ZMYND11: variants seen among roughly 807,000 people sequenced by gnomAD.
The protein encoded by ZMYND11 is zinc finger MYND-type containing 11, also known as zinc finger MYND domain-containing protein 11.
ZMYND11 carries 9 observed loss-of-function variants against 84.9 expected under a neutral mutation model. The ratio of observed to expected loss-of-function variants is 0.11; its 90% CI spans 0.06 to 0.18. The LOEUF (loss-of-function observed/expected upper bound fraction) is 0.18. Among genes scored for constraint, ZMYND11 ranks in the 10% least tolerant of loss-of-function variants. The pLI, the probability that ZMYND11 is intolerant of heterozygous loss-of-function variation, is 1.00. For missense variants in ZMYND11, 409 were observed against 761.0 expected, an observed-to-expected ratio of 0.54 and a Z score of 5.44; for synonymous variants, 250 against 244.1, an observed-to-expected ratio of 1.02 and a Z score of -0.23.
chr10:234,977 C>T (rs1328301935), intron 4 of ZMYND11, among the ~76,000 whole-genome samples: 1 of 87,518 alleles, frequency 1.1e-5, no homozygotes. Context: ...GCTAGTATTT[C>T]GCAAATGTGT....
At chr10:216,184 C>T (rs536815661) in intron 3 of ZMYND11, among the ~76,000 whole-genome samples, 1 of 152,240 alleles carries the variant, frequency 6.6e-6, no homozygotes, top group East Asian at 1.9e-4. Flanking sequence ...AGAACTACCA[C>T]CGTAGGCAGC....
chr10:165,355 C>G (rs1843754111), intron 1 of ZMYND11, among the ~76,000 whole-genome samples: 1 of 152,116 alleles, frequency 6.6e-6, no homozygotes, highest in African/African-American at 2.4e-5. Flanking sequence ...TCACTTTCTA[C>G]CATATTCTCT....
chr10:249,431 G>A (rs1258842842), intron 14 of ZMYND11: 4 of 985,094 alleles, frequency 4.1e-6, no homozygotes, highest in East Asian at 1.1e-4. Context: ...TTTCAGATGG[G>A]TAACATCCAA....
intron 4 of ZMYND11, among the ~76,000 whole-genome samples, chr10:225,573 CCA>C: frequency 6.6e-6 from 1 of 152,246 alleles, no homozygotes; most frequent in African/African-American, 2.4e-5. Flanking sequence ...ATCTTGAATT[CCA>C]GAGTTCGAGT....
At chr10:220,229 G>A (rs1020657987) in intron 3 of ZMYND11, among the ~76,000 whole-genome samples, 1 of 151,966 alleles carries the variant, frequency 6.6e-6, no homozygotes, top group African/African-American at 2.4e-5. Context: ...GGAATGTCAG[G>A]GTCCCTACTG....
intron 1 of ZMYND11, among the ~76,000 whole-genome samples, chr10:158,524 C>A (rs1842216109): frequency 6.6e-6 from 1 of 150,954 alleles, no homozygotes. Flanking sequence ...CTCAAGTGAT[C>A]CTTGACTTCA....
chr10:242,107 C>T lies in ZMYND11; in HGVS notation c.918C>T (p.Val306=), dbSNP rs528355836. ...TCATGCAGAAAGAAGACAATCAAGT[C>T]GACGTTCGCTTCTTTGGCCACCACC... ...AKVMQKEDNQ[V]DVRFFGHHHQ... Residue 306 remains valine (V), a synonymous_variant, in exon 10 of 15, where the codon GTC becomes GTT. Transcript: ENST00000381604. 29 of 1,613,844 alleles carry T rather than the reference C, an allele frequency of 1.8e-5. No homozygotes were observed. The highest frequency in any genetic ancestry group is 1.7e-4 in the Admixed American group (10 of 60,000).
chr10:137,249 C>T (rs1363537660), intron 1 of ZMYND11, among the ~76,000 whole-genome samples: 1 of 151,968 alleles, frequency 6.6e-6, no homozygotes, highest in Non-Finnish European at 1.5e-5. Flanking sequence ...ACAGTGTGTA[C>T]ATGGTATCTG....
At chr10:136,873 C>T (rs1423119157) in intron 1 of ZMYND11, among the ~76,000 whole-genome samples, 1 of 151,942 alleles carries the variant, frequency 6.6e-6, no homozygotes, top group African/African-American at 2.4e-5. Flanking sequence ...AGTATGTGCA[C>T]GGTACCGTGC....
chr10:223,555 A>T (rs1947530045), intron 4 of ZMYND11, among the ~76,000 whole-genome samples: 1 of 152,170 alleles, frequency 6.6e-6, no homozygotes, highest in African/African-American at 2.4e-5. Context: ...ATTTTATGGT[A>T]TGTGAGCTAC....
chr10:159,008 T>TA (rs1554760506), intron 1 of ZMYND11, among the ~76,000 whole-genome samples: 2 of 140,400 alleles, frequency 1.4e-5, no homozygotes, highest in Non-Finnish European at 3.1e-5. Flanking sequence ...TTTTTTTTTT[T>TA]ACATTATGTG....
At chr10:186,607 C>T (rs1938539168) in intron 2 of ZMYND11, among the ~76,000 whole-genome samples, 1 of 140,518 alleles carries the variant, frequency 7.1e-6, no homozygotes, top group Non-Finnish European at 1.5e-5. Context: ...GATCGGGCCA[C>T]TGCACTCAGA....
At chr10:163,844 C>T (rs374856492) in intron 1 of ZMYND11, among the ~76,000 whole-genome samples, 4 of 152,048 alleles carry the variant, frequency 2.6e-5, no homozygotes, top group East Asian at 3.9e-4. Flanking sequence ...ACCTATTCTG[C>T]GTGAGTTGGA....
Position 253,334 on chromosome 10 carries a change from TATC to T in ZMYND11, c.*868_*870del, listed in dbSNP as rs765807049. 1 of 152,662 alleles carries T rather than the reference TATC, an allele frequency of 6.6e-6. No homozygotes were observed. The highest frequency in any genetic ancestry group is 2.4e-5 in the African/African-American group (1 of 41,452). The allele number at this position is 152,662 out of a possible 1,614,324, so 9.5% of individuals were successfully genotyped here. ...TTAATGCTTCCCTTCCCTTCCCACA[TATC>T]ATCTCACTGCCTATTATCTGGTGTC... On this transcript the variant is annotated 3_prime_UTR_variant, in exon 15 of 15. Coordinates refer to ENST00000381604, the MANE Select transcript of ZMYND11 (RefSeq NM_001370100.5).
chr10:220,774 G>A (rs1947021040), intron 3 of ZMYND11, among the ~76,000 whole-genome samples: 1 of 150,122 alleles, frequency 6.7e-6, no homozygotes, highest in South Asian at 2.1e-4. Flanking sequence ...TTCCCACAGT[G>A]TGTCAAGGAC....
At position 135,654 on chromosome 10, in the gene ZMYND11, T is replaced by C. The variant is rs1482797474; in HGVS notation, c.-20+95T>C. On this transcript the variant is annotated intron_variant, in intron 1 of 14. Transcript: ENST00000381604. The surrounding 1 kb of genome is among the most constrained non-coding windows in gnomAD (Gnocchi z 5.6). ...GTGGAGCCTGCCTGGCCGCGGCCTCTGGGGCGGCGGCGGCACCAGTGGGTG... is the reference window on the plus strand; with the variant it reads ...GTGGAGCCTGCCTGGCCGCGGCCTCCGGGGCGGCGGCGGCACCAGTGGGTG... 18 of 146,684 alleles carry C rather than the reference T, an allele frequency of 1.2e-4. No homozygotes were observed. The highest frequency in any genetic ancestry group is 1.1e-3 in the Admixed American group (17 of 14,826). The allele number at this position is 146,684 out of a possible 1,614,324, so 9.1% of individuals were successfully genotyped here.
chr10:162,900 TG>T (rs1776658555), intron 1 of ZMYND11, among the ~76,000 whole-genome samples: 1 of 152,188 alleles, frequency 6.6e-6, no homozygotes, highest in Non-Finnish European at 1.5e-5. Context: ...TAATGGTGAC[TG>T]GACTTTTTTA....
chr10:250,298 A>G (rs1589313919), intron 14 of ZMYND11, among the ~76,000 whole-genome samples: 1 of 152,354 alleles, frequency 6.6e-6, no homozygotes. Flanking sequence ...CAATATCATT[A>G]GATGGGAATT....
intron 4 of ZMYND11, among the ~76,000 whole-genome samples, chr10:223,280 C>G (rs1947463781): frequency 6.6e-6 from 1 of 152,156 alleles, no homozygotes. Context: ...CTCAAGTGAT[C>G]TGCCCACCTG....
Sources: allele counts gnomAD v4.1 joint callset (sites outside exome capture counted in the v4.1 genomes callset), GRCh38; gene constraint gnomAD v4.1.1; non-coding constraint Gnocchi (gnomAD v3.1); transcripts MANE v1.5; gene names NCBI Gene and HGNC (gene_info 2026-07-23, HGNC 2026-07-21).